The following FRMD4A variants were observed in gnomAD, a reference collection of about 807,000 sequenced individuals.
FRMD4A encodes FERM domain containing 4A, also known as FERM domain-containing protein 4A.
FRMD4A carries 29 observed loss-of-function variants against 129.1 expected under a neutral mutation model. That is an observed-to-expected ratio of 0.22 (90% CI 0.17 to 0.31). FRMD4A has a LOEUF of 0.31. Ranked by LOEUF, FRMD4A falls within the 10% of genes least tolerant of loss-of-function variation. The pLI is 1.00. For missense variants in FRMD4A, 1,272 were observed against 1,375.8 expected (o/e 0.92, Z 1.19); for synonymous variants, 634 against 571.6 (o/e 1.11, Z -1.56).
chr10:13,777,856 T>C (rs916338946), intron 6 of FRMD4A, among the ~76,000 whole-genome samples: 2 of 133,358 alleles, frequency 1.5e-5, no homozygotes, highest in South Asian at 2.6e-4. Flanking sequence ...TGGAGTGCAA[T>C]GGTGCGATCT....
chr10:14,283,817 T>A (rs998113156), intron 2 of FRMD4A, among the ~76,000 whole-genome samples: 2 of 152,246 alleles, frequency 1.3e-5, no homozygotes, highest in East Asian at 1.9e-4. Flanking sequence ...CTGAGAATAA[T>A]AATAATTAAA....
chr10:13,803,363 T>C (rs2093295680), intron 4 of FRMD4A, among the ~76,000 whole-genome samples: 1 of 152,124 alleles, frequency 6.6e-6, no homozygotes. Context: ...ACAGAGTCTC[T>C]TTCTGTTGCC....
At chr10:13,665,866 T>C (rs1370693261) in intron 18 of FRMD4A, among the ~76,000 whole-genome samples, 3 of 152,230 alleles carry the variant, frequency 2.0e-5, no homozygotes, top group Non-Finnish European at 2.9e-5. Context: ...AGGAAACCAA[T>C]AGTGATACCA....
intron 12 of FRMD4A, among the ~76,000 whole-genome samples, chr10:13,729,162 T>G (rs1010629171): frequency 2.7e-5 from 1 of 37,728 alleles, no homozygotes; most frequent in Non-Finnish European, 7.3e-5. Context: ...CCACTCAGAC[T>G]GTGCTGCGAT....
At chr10:14,177,519 A>T (rs550345737) in intron 2 of FRMD4A, among the ~76,000 whole-genome samples, 6 of 152,252 alleles carry the variant, frequency 3.9e-5, no homozygotes, top group African/African-American at 9.6e-5. Context: ...TATTAAAAAA[A>T]ATATATCTCT....
intron 2 of FRMD4A, among the ~76,000 whole-genome samples, chr10:14,197,441 G>C (rs1469759992): frequency 6.6e-6 from 1 of 152,096 alleles, no homozygotes; most frequent in Non-Finnish European, 1.5e-5. Context: ...TCAGCTCACT[G>C]CAGCCTCCTC....
At chr10:13,870,617 C>T (rs1292486629) in intron 2 of FRMD4A, among the ~76,000 whole-genome samples, 1 of 152,228 alleles carries the variant, frequency 6.6e-6, no homozygotes, top group Non-Finnish European at 1.5e-5. Flanking sequence ...TGCCACACAC[C>T]TTCTCCTCCT....
intron 2 of FRMD4A, among the ~76,000 whole-genome samples, chr10:13,860,139 T>C (rs1204128076): frequency 1.3e-5 from 2 of 152,210 alleles, no homozygotes; most frequent in Non-Finnish European, 2.9e-5. Context: ...GTCCTAACCA[T>C]AAACTGTCTT....
chr10:14,199,036 C>T (rs529000457), intron 2 of FRMD4A, among the ~76,000 whole-genome samples: 11 of 152,102 alleles, frequency 7.2e-5, no homozygotes, highest in South Asian at 2.1e-4. Context: ...CTTACCTTTC[C>T]GTGTTTTCTC....
At chr10:14,253,498 T>C (rs1049552579) in intron 2 of FRMD4A, among the ~76,000 whole-genome samples, 4 of 152,260 alleles carry the variant, frequency 2.6e-5, no homozygotes, top group Admixed American at 2.0e-4. Flanking sequence ...ATATGAATTC[T>C]ATCTAATTCT....
At chr10:14,284,273 C>T (rs1845611296) in intron 2 of FRMD4A, among the ~76,000 whole-genome samples, 2 of 152,130 alleles carry the variant, frequency 1.3e-5, no homozygotes, top group Non-Finnish European at 2.9e-5. Flanking sequence ...CCAACATGTA[C>T]TTAATGGAAG....
chr10:13,799,858 T>C (rs1463573518), intron 4 of FRMD4A, among the ~76,000 whole-genome samples: 2 of 152,158 alleles, frequency 1.3e-5, no homozygotes, highest in African/African-American at 4.8e-5. Context: ...GCATTTGGCA[T>C]AATCTTGTAC....
intron 2 of FRMD4A, among the ~76,000 whole-genome samples, chr10:14,286,287 C>G (rs1467674947): frequency 6.6e-6 from 1 of 152,146 alleles, no homozygotes; most frequent in African/African-American, 2.4e-5. Context: ...GCTTTTGATT[C>G]TATTCTTGCT....
intron 2 of FRMD4A, among the ~76,000 whole-genome samples, chr10:14,012,681 A>G (rs944052600): frequency 1.3e-5 from 2 of 152,168 alleles, no homozygotes; most frequent in Admixed American, 6.5e-5. Context: ...GTGAAGGGTA[A>G]ATGATCTCCT....
intron 2 of FRMD4A, among the ~76,000 whole-genome samples, chr10:13,953,613 C>A (rs75545317): frequency 6.6e-6 from 1 of 152,100 alleles, no homozygotes; most frequent in Non-Finnish European, 1.5e-5. Context: ...GTTCCCAGAT[C>A]GACTGTCTTG....
chr10:14,152,888 G>A (rs559485931), intron 2 of FRMD4A, among the ~76,000 whole-genome samples: 1 of 152,272 alleles, frequency 6.6e-6, no homozygotes, highest in Non-Finnish European at 1.5e-5. Flanking sequence ...CAGCTGGGAA[G>A]AGGGGGAACC....
At position 13,675,162 on chromosome 10, in the gene FRMD4A, G is replaced by C; in HGVS notation, c.1118-118C>G. The C allele has an allele frequency of 3.3e-6, 3 of 909,842 alleles. No individual in the cohort carries two copies. The South Asian group carries it at 4.5e-5, about 14-fold the overall frequency. 56.4% of individuals were successfully genotyped at this position (909,842 alleles called of 1,614,324 possible). On this transcript the variant is annotated intron_variant, in intron 15 of 24. Coordinates refer to ENST00000357447, the MANE Select transcript of FRMD4A (RefSeq NM_018027.5). ...GGGATTTACCCCAGGAATCAAGGGA[G>C]TGTGAAATAAAACAGGTGCTCAGCA...
chr10:14,255,629 C>T (rs1284366105), intron 2 of FRMD4A, among the ~76,000 whole-genome samples: 2 of 152,118 alleles, frequency 1.3e-5, no homozygotes, highest in East Asian at 1.9e-4. Flanking sequence ...AACCTGCCCT[C>T]GAACTGCAGC....
intron 2 of FRMD4A, among the ~76,000 whole-genome samples, chr10:14,117,615 C>T (rs998168905): frequency 6.6e-6 from 1 of 152,142 alleles, no homozygotes; most frequent in African/African-American, 2.4e-5. Flanking sequence ...TAGGTGAAGG[C>T]TGAAGGTCAC....
Sources: gnomAD v4.1 joint callset for allele counts (sites outside exome capture counted in the v4.1 genomes callset) on GRCh38, gnomAD v4.1.1 for gene constraint, MANE v1.5 for transcripts, NCBI Gene and HGNC (gene_info 2026-07-23, HGNC 2026-07-21) for gene names.